Variants in CLVS2 observed in about 807,000 individuals in gnomAD.
The protein encoded by CLVS2 is clavesin 2.
A neutral mutation model predicts 29.0 loss-of-function variants in CLVS2; 19 were observed. The ratio of observed to expected loss-of-function variants is 0.66; its 90% CI spans 0.46 to 0.96. CLVS2 has a LOEUF of 0.96. CLVS2 is among the 40% of genes least tolerant of loss of function. The probability of loss-of-function intolerance (pLI) is 0.00; values close to 1 mark genes in which losing one functional copy is unlikely to be tolerated. For missense variants in CLVS2, 294 were observed against 404.1 expected (o/e 0.73, Z 2.34); for synonymous variants, 161 against 151.3 (o/e 1.06, Z -0.47).
chr6:123,014,338 T>G (rs1442976714), intron 3 of CLVS2, among the ~76,000 whole-genome samples: 1 of 152,050 alleles, frequency 6.6e-6, no homozygotes, highest in South Asian at 2.1e-4. Flanking sequence ...TTCCTGACTT[T>G]TTTTTTCTTA....
intron 3 of CLVS2, among the ~76,000 whole-genome samples, chr6:123,016,456 T>A (rs1013426672): frequency 1.3e-5 from 2 of 152,004 alleles, no homozygotes; most frequent in Non-Finnish European, 2.9e-5. Context: ...AGATGATTTT[T>A]AGCTTATCCT....
At chr6:123,031,546 A>G (rs1397952960) in intron 3 of CLVS2, among the ~76,000 whole-genome samples, 1 of 152,240 alleles carries the variant, frequency 6.6e-6, no homozygotes, top group Non-Finnish European at 1.5e-5. Context: ...TAGTAACCAT[A>G]TGAGGTGATG....
intron 2 of CLVS2, among the ~76,000 whole-genome samples, chr6:123,004,472 T>C (rs918806466): frequency 6.6e-6 from 1 of 152,224 alleles, no homozygotes; most frequent in Non-Finnish European, 1.5e-5. Context: ...CCAGGGATTG[T>C]AGATTTAGCC....
Position 123,072,140 on chromosome 6 carries a change from T to C in CLVS2, c.*8379T>C, listed in dbSNP as rs2114382551. On this transcript the variant is annotated 3_prime_UTR_variant, in exon 6 of 6. Coordinates refer to ENST00000275162, the MANE Select transcript of CLVS2 (RefSeq NM_001010852.4). ...CTTACCAAACATATGTTATTCCTTT[T>C]CTTCAGCTACATTGTTGTGCCTTTC... 1 of 152,176 alleles carries C rather than the reference T, an allele frequency of 6.6e-6. No individual in the cohort carries two copies. The highest frequency in any genetic ancestry group is 2.1e-4 in the South Asian group (1 of 4,824). 9.4% of individuals were successfully genotyped at this position (152,176 alleles called of 1,614,324 possible). A position where few individuals can be genotyped will look rare whatever the true frequency, so the allele number is the denominator to read the frequency against.
chr6:123,039,343 T>C (rs547259974), intron 3 of CLVS2, among the ~76,000 whole-genome samples: 80 of 152,298 alleles, frequency 5.3e-4, no homozygotes, highest in Non-Finnish European at 9.1e-4. Flanking sequence ...GCTACAAGCC[T>C]CAATACGGTT....
At chr6:123,036,808 G>A (rs899600920) in intron 3 of CLVS2, among the ~76,000 whole-genome samples, 3 of 152,032 alleles carry the variant, frequency 2.0e-5, no homozygotes, top group African/African-American at 7.2e-5. Context: ...ATAATCTACT[G>A]CCTCACCATC....
At position 123,069,191 on chromosome 6, in the gene CLVS2, T is replaced by C. The variant is rs947268230; in HGVS notation, c.*5430T>C. 2.0e-5 allele frequency: 3 copies of C among 151,748 alleles called. No homozygotes were observed. Among genetic ancestry groups the C allele is most frequent in the African/African-American group, 7.2e-5 (3 of 41,392 alleles). 9.4% of individuals were successfully genotyped at this position (151,748 alleles called of 1,614,324 possible). A position where few individuals can be genotyped will look rare whatever the true frequency, so the allele number is the denominator to read the frequency against. On this transcript the variant is annotated 3_prime_UTR_variant, in exon 6 of 6. Transcript: ENST00000275162. ...GAAGTAAACTAATGTTTTAATTACATATAGCAAAGGAATGATCAGTAAATA... is the reference window on the plus strand; with the variant it reads ...GAAGTAAACTAATGTTTTAATTACACATAGCAAAGGAATGATCAGTAAATA...
chr6:123,027,452 C>T (rs551802776), intron 3 of CLVS2, among the ~76,000 whole-genome samples: 1 of 152,254 alleles, frequency 6.6e-6, no homozygotes, highest in South Asian at 2.1e-4. Flanking sequence ...GTTTTGTCTA[C>T]GTCCTCTCCC....
intron 3 of CLVS2, among the ~76,000 whole-genome samples, chr6:123,030,160 T>C (rs773399707): frequency 6.6e-6 from 1 of 152,260 alleles, no homozygotes; most frequent in Non-Finnish European, 1.5e-5. Context: ...TATTTTCTTA[T>C]TTCTTTGAAA....
chr6:123,007,365 C>A (rs772542800), intron 2 of CLVS2, among the ~76,000 whole-genome samples: 1 of 152,002 alleles, frequency 6.6e-6, no homozygotes, highest in African/African-American at 2.4e-5. Flanking sequence ...GACTAAGCTG[C>A]GATTAGGCAA....
chr6:123,003,808 A>T (rs1774624997), intron 2 of CLVS2, among the ~76,000 whole-genome samples: 1 of 152,242 alleles, frequency 6.6e-6, no homozygotes, highest in Admixed American at 6.5e-5. Flanking sequence ...AGTGTTGTGT[A>T]GGAAAGACAT....
In CLVS2 at chr6:123,066,538, T is replaced by C. The variant is rs577487542; in HGVS notation, c.*2777T>C. ...AGTAGTCCATTTACTTCTTTCACCC[T>C]GCCTGTTCCATCTTCTATTTCTGAT... On this transcript the variant is annotated 3_prime_UTR_variant, in exon 6 of 6. Transcript: ENST00000275162. The C allele has an allele frequency of 6.6e-6, 1 of 151,930 alleles. No individual in the cohort carries two copies. Among genetic ancestry groups the C allele is most frequent in the East Asian group, 1.9e-4 (1 of 5,170 alleles). 9.4% of individuals were successfully genotyped at this position (151,930 alleles called of 1,614,324 possible). A position where few individuals can be genotyped will look rare whatever the true frequency, so the allele number is the denominator to read the frequency against.
chr6:123,015,362 GAA>G (rs1774811785), intron 3 of CLVS2, among the ~76,000 whole-genome samples: 1 of 151,998 alleles, frequency 6.6e-6, no homozygotes, highest in African/African-American at 2.4e-5. Context: ...TAGATCAAAG[GAA>G]AGAGAAGTTA....
intron 3 of CLVS2, among the ~76,000 whole-genome samples, chr6:123,042,295 C>CA (rs756821365): frequency 6.6e-6 from 1 of 152,128 alleles, no homozygotes; most frequent in Non-Finnish European, 1.5e-5. Flanking sequence ...TGATGGCAAA[C>CA]TCCTAAGTGT....
intron 4 of CLVS2, among the ~76,000 whole-genome samples, chr6:123,052,682 G>A (rs1772629767): frequency 6.6e-6 from 1 of 152,178 alleles, no homozygotes; most frequent in African/African-American, 2.4e-5. Context: ...CAACTGAGAT[G>A]ATGAGGGGAG....
intron 2 of CLVS2, among the ~76,000 whole-genome samples, chr6:122,999,324 T>G (rs1347388630): frequency 2.0e-5 from 3 of 152,186 alleles, no homozygotes; most frequent in African/African-American, 7.2e-5. Context: ...ATTAATATTT[T>G]TAATTATTTT....
intron 3 of CLVS2, among the ~76,000 whole-genome samples, chr6:123,039,032 G>A (rs1445365952): frequency 6.6e-6 from 1 of 152,152 alleles, no homozygotes; most frequent in East Asian, 1.9e-4. Flanking sequence ...AACCCTCGCA[G>A]CACTGTTTCA....
At chr6:123,013,702 C>A (rs1774785365) in intron 3 of CLVS2, among the ~76,000 whole-genome samples, 1 of 151,508 alleles carries the variant, frequency 6.6e-6, no homozygotes, top group African/African-American at 2.4e-5. Flanking sequence ...GGTACATGTG[C>A]ACATTGTGCA....
intron 4 of CLVS2, among the ~76,000 whole-genome samples, chr6:123,053,143 A>C (rs1582663689): frequency 6.6e-6 from 1 of 152,180 alleles, no homozygotes; most frequent in East Asian, 1.9e-4. Flanking sequence ...TCAGGAGATC[A>C]AGACCATCCT....
Sources: gnomAD v4.1 joint callset for allele counts (sites outside exome capture counted in the v4.1 genomes callset) on GRCh38, gnomAD v4.1.1 for gene constraint, MANE v1.5 for transcripts, NCBI Gene and HGNC (gene_info 2026-07-23, HGNC 2026-07-21) for gene names.